The following PEX5L variants were observed in gnomAD, a reference collection of about 807,000 sequenced individuals.
The protein encoded by PEX5L is PEX5-related protein.
PEX5L carries 30 observed loss-of-function variants against 84.0 expected under a neutral mutation model. That is an observed-to-expected ratio of 0.36 (90% CI 0.27 to 0.48). The LOEUF (loss-of-function observed/expected upper bound fraction) is 0.48. Among genes scored for constraint, PEX5L ranks in the 20% least tolerant of loss-of-function variants. The probability of loss-of-function intolerance (pLI) is 0.99; values close to 1 mark genes in which losing one functional copy is unlikely to be tolerated. For missense variants in PEX5L, 533 were observed against 754.6 expected (o/e 0.71, Z 3.44); for synonymous variants, 270 against 283.1 (o/e 0.95, Z 0.46).
At chr3:179,911,050 C>T (rs1184122319) in intron 2 of PEX5L, among the ~76,000 whole-genome samples, 5 of 152,160 alleles carry the variant, frequency 3.3e-5, no homozygotes, top group Non-Finnish European at 5.9e-5. Context: ...AGGAGTACAA[C>T]CAGGTAGCGC....
intron 1 of PEX5L, chr3:179,973,075 C>T: frequency 1.4e-6 from 1 of 716,238 alleles, no homozygotes. Context: ...TTTTTGTTCA[C>T]TGGTTGCCAT....
chr3:179,846,856 G>T (rs1305019362), intron 8 of PEX5L, among the ~76,000 whole-genome samples: 1 of 152,044 alleles, frequency 6.6e-6, no homozygotes, highest in Non-Finnish European at 1.5e-5. Flanking sequence ...CTGGTACTCA[G>T]TCAGACCTTT....
chr3:179,923,018 A>G (rs1041470568), intron 2 of PEX5L, among the ~76,000 whole-genome samples: 16 of 151,844 alleles, frequency 1.1e-4, no homozygotes, highest in Admixed American at 2.0e-4. Context: ...GGCCAGGCAC[A>G]GTGGCTCACG....
chr3:180,008,037 G>A (rs180731221), intron 1 of PEX5L, among the ~76,000 whole-genome samples: 149 of 151,118 alleles, frequency 9.9e-4, no homozygotes, highest in African/African-American at 3.4e-3. Flanking sequence ...CCCAGAAAAT[G>A]CCTTTTTCTT....
intron 8 of PEX5L, among the ~76,000 whole-genome samples, chr3:179,823,148 G>A (rs950397065): frequency 2.6e-5 from 4 of 152,174 alleles, no homozygotes; most frequent in East Asian, 1.9e-4. Flanking sequence ...ACGCACAATC[G>A]CAAAGCTCAA....
chr3:180,010,444 A>G (rs948689054), intron 1 of PEX5L, among the ~76,000 whole-genome samples: 8 of 151,888 alleles, frequency 5.3e-5, no homozygotes, highest in African/African-American at 1.9e-4. Context: ...TCTACAATCC[A>G]AAGGACAGTC....
intron 2 of PEX5L, among the ~76,000 whole-genome samples, chr3:179,920,601 A>C (rs1222696652): frequency 6.6e-6 from 1 of 152,182 alleles, no homozygotes; most frequent in Non-Finnish European, 1.5e-5. Context: ...ATCCTGTTCT[A>C]TTTTAGAAAA....
intron 14 of PEX5L, chr3:179,804,254 G>A (rs1720270527): frequency 6.6e-6 from 1 of 151,960 alleles, no homozygotes; most frequent in African/African-American, 2.4e-5. Flanking sequence ...GACTCAGAAG[G>A]TTGTACATAT....
intron 2 of PEX5L, among the ~76,000 whole-genome samples, chr3:179,958,917 T>C (rs1781299131): frequency 6.6e-6 from 1 of 151,992 alleles, no homozygotes; most frequent in Non-Finnish European, 1.5e-5. Context: ...TTAAAACAGA[T>C]TCCTGAGGCT....
At chr3:179,871,382 C>A (rs113034890) in intron 7 of PEX5L, among the ~76,000 whole-genome samples, 30 of 152,100 alleles carry the variant, frequency 2.0e-4, no homozygotes, top group African/African-American at 6.8e-4. Context: ...GGATTACATG[C>A]GTGAGCCACC....
At chr3:179,990,663 C>T (rs10937015) in intron 1 of PEX5L, among the ~76,000 whole-genome samples, 1 of 151,944 alleles carries the variant, frequency 6.6e-6, no homozygotes, top group Non-Finnish European at 1.5e-5. Context: ...CCTGCCTCCC[C>T]AAGTGCTGGA....
intron 1 of PEX5L, among the ~76,000 whole-genome samples, chr3:180,011,584 A>C (rs1482368180): frequency 6.6e-6 from 1 of 152,214 alleles, no homozygotes; most frequent in Non-Finnish European, 1.5e-5. Flanking sequence ...AAACGTGGAA[A>C]AAAGGAGCAT....
chr3:179,836,869 A>G (rs545182381), intron 8 of PEX5L, among the ~76,000 whole-genome samples: 1 of 152,306 alleles, frequency 6.6e-6, no homozygotes, highest in African/African-American at 2.4e-5. Context: ...ATGCCAGCAA[A>G]GCAGACTTAA....
chr3:179,879,942 T>A lies in PEX5L; in HGVS notation c.492A>T (p.Ser164=), dbSNP rs547962265. Residue 164 remains serine (S), a synonymous_variant, in exon 5 of 15, where the codon TCA becomes TCT. Coordinates refer to ENST00000467460, the MANE Select transcript of PEX5L (RefSeq NM_016559.3). ...RGQPLRVPET[S]SLDLDIQTQL... is the part of the protein sequence containing the mutation. The stretch of plus-strand genomic sequence containing the variant: ...CGATTGCCTTACCTAGATCTAAGGA[T>A]GAAGTCTCCGGGACTCTGAGAGGCT... The A allele has an allele frequency of 1.3e-6, 2 of 1,589,378 alleles. No individual in the cohort carries two copies. The highest frequency in any genetic ancestry group is 3.7e-5 in the Admixed American group (2 of 54,022).
chr3:179,863,864 A>AT, intron 7 of PEX5L, among the ~76,000 whole-genome samples: 1 of 152,052 alleles, frequency 6.6e-6, no homozygotes. Context: ...TCCCCACCCA[A>AT]ATCTCTTCTT....
intron 1 of PEX5L, among the ~76,000 whole-genome samples, chr3:179,980,162 A>AC (rs1786189199): frequency 6.6e-6 from 1 of 152,198 alleles, no homozygotes. Flanking sequence ...TTTGCCTATG[A>AC]AATTTTGTTT....
intron 8 of PEX5L, chr3:179,820,551 G>C (rs1296733659): frequency 6.6e-6 from 1 of 152,352 alleles, no homozygotes; most frequent in Non-Finnish European, 1.5e-5. Flanking sequence ...TGGTCTGCTG[G>C]TGCTAAAGAA....
chr3:179,966,020 C>T (rs993630064), intron 2 of PEX5L, among the ~76,000 whole-genome samples: 5 of 152,150 alleles, frequency 3.3e-5, no homozygotes, highest in Admixed American at 3.3e-4. Flanking sequence ...TCTTTGTTTA[C>T]TCCAATGCTG....
chr3:180,016,357 ATC>A (rs1200325667), intron 1 of PEX5L, among the ~76,000 whole-genome samples: 4 of 152,162 alleles, frequency 2.6e-5, no homozygotes, highest in African/African-American at 7.2e-5. Flanking sequence ...TTATATATCT[ATC>A]TCTCTATATA....
Sources: allele counts gnomAD v4.1 joint callset (sites outside exome capture counted in the v4.1 genomes callset), GRCh38; gene constraint gnomAD v4.1.1; transcripts MANE v1.5; gene names NCBI Gene and HGNC (gene_info 2026-07-23, HGNC 2026-07-21).